Variants in SOCS2 observed in about 807,000 individuals in gnomAD.
SOCS2 encodes the protein CIS-2.
In SOCS2, 10 loss-of-function variants were observed where a neutral mutation model predicts 18.6. The observed-to-expected ratio is 0.54, with a 90% CI of 0.33 to 0.91. The LOEUF (loss-of-function observed/expected upper bound fraction) is 0.91. SOCS2 is among the 40% of genes least tolerant of loss of function. SOCS2 has a pLI of 0.02. For synonymous variants in SOCS2, 104 were observed against 104.0 expected, an observed-to-expected ratio of 1.00 and a Z score of 0.00; for missense variants, 231 against 247.2, an observed-to-expected ratio of 0.93 and a Z score of 0.44.
the SOCS2 span, among the ~76,000 whole-genome samples, chr12:93,605,186 A>G: frequency 3.3e-5 from 5 of 152,178 alleles, no homozygotes; most frequent in Non-Finnish European, 5.9e-5. Flanking sequence ...CAATGCCACC[A>G]CCACCACCCA....
the SOCS2 span, among the ~76,000 whole-genome samples, chr12:93,616,164 C>T: frequency 6.6e-6 from 1 of 152,206 alleles, no homozygotes; most frequent in Non-Finnish European, 1.5e-5. Flanking sequence ...AGCACCAGGA[C>T]TTATGTTCCC....
the SOCS2 span, among the ~76,000 whole-genome samples, chr12:93,594,672 A>C: frequency 6.6e-6 from 1 of 151,988 alleles, no homozygotes; most frequent in Non-Finnish European, 1.5e-5. Context: ...ATTGTAGAGA[A>C]CTCTGTTCTG....
chr12:93,573,105 G>A, intron 1 of SOCS2, 69 bp downstream of exon 1: 1 of 1,524,728 alleles, frequency 6.6e-7, no homozygotes, highest in Non-Finnish European at 8.8e-7. Flanking sequence ...TAGGAAGCGG[G>A]GTCGAGGTGG....
intron 1 of SOCS2, 41 bp downstream of exon 1, chr12:93,573,077 C>G (rs1483558498): frequency 6.5e-7 from 1 of 1,545,604 alleles, no homozygotes. Context: ...GGAGGGAGCG[C>G]CTCCCCAAGG....
At chr12:93,622,848 A>C in the SOCS2 span, among the ~76,000 whole-genome samples, 1 of 152,162 alleles carries the variant, frequency 6.6e-6, no homozygotes. Context: ...TGGATAATGG[A>C]ATCTGTATGT....
chr12:93,614,480 T>TTTCCTTCCTTCCTTCCTTCTTTCCTTCC, the SOCS2 span, among the ~76,000 whole-genome samples: 1 of 26,134 alleles, frequency 3.8e-5, no homozygotes, highest in Non-Finnish European at 6.6e-5. Flanking sequence ...CCTTCCTTCC[T>TTTCCTTCCTTCCTTCCTTCTTTCCTTCC]TTCCTTCCTT....
At chr12:93,624,651 C>G in the SOCS2 span, among the ~76,000 whole-genome samples, 1 of 152,120 alleles carries the variant, frequency 6.6e-6, no homozygotes, top group Non-Finnish European at 1.5e-5. Flanking sequence ...TAAGACAATA[C>G]TCATCACCCA....
At chr12:93,605,650 A>G in the SOCS2 span, among the ~76,000 whole-genome samples, 1 of 152,258 alleles carries the variant, frequency 6.6e-6, no homozygotes, top group Non-Finnish European at 1.5e-5. Context: ...AATGACTACA[A>G]GTGGATGCCT....
At chr12:93,612,511 A>G in the SOCS2 span, among the ~76,000 whole-genome samples, 2 of 152,134 alleles carry the variant, frequency 1.3e-5, no homozygotes, top group Non-Finnish European at 2.9e-5. Context: ...TCCCCTGCTC[A>G]ATCCTGCTAT....
At chr12:93,624,448 T>G in the SOCS2 span, among the ~76,000 whole-genome samples, 1,252 of 152,184 alleles carry the variant, frequency 8.2e-3, 8 homozygotes, top group South Asian at 0.026. Flanking sequence ...GGCAGGCACC[T>G]GTAGTCCCAG....
chr12:93,577,553 G>A (rs1245638325), downstream of SOCS2, among the ~76,000 whole-genome samples: 1 of 151,514 alleles, frequency 6.6e-6, no homozygotes, highest in Non-Finnish European at 1.5e-5. Context: ...AGAGGAATTG[G>A]GAAGAGCAAA....
the SOCS2 span, among the ~76,000 whole-genome samples, chr12:93,603,627 T>A: frequency 6.6e-6 from 1 of 151,826 alleles, no homozygotes; most frequent in Non-Finnish European, 1.5e-5. Context: ...TTATTTTTTT[T>A]AAAGCCATTA....
the SOCS2 span, among the ~76,000 whole-genome samples, chr12:93,620,478 C>T: frequency 1.3e-5 from 2 of 151,994 alleles, no homozygotes; most frequent in East Asian, 1.9e-4. Flanking sequence ...TGCAGTGGCA[C>T]GATCTCGACT....
the SOCS2 span, among the ~76,000 whole-genome samples, chr12:93,592,606 CAGAT>C: frequency 3.3e-5 from 5 of 152,204 alleles, no homozygotes; most frequent in African/African-American, 9.6e-5. Context: ...ATGCATATTT[CAGAT>C]GGAAATAAAT....
exon 2 of SOCS2, chr12:93,583,099 C>T (rs536958800): frequency 6.9e-6 from 1 of 145,050 alleles, no homozygotes; most frequent in South Asian, 2.2e-4. Flanking sequence ...ACCCTATGAT[C>T]GAAGAGTTTT....
At chr12:93,625,274 T>G in the SOCS2 span, among the ~76,000 whole-genome samples, 1 of 152,218 alleles carries the variant, frequency 6.6e-6, no homozygotes. Flanking sequence ...GTCATTAAAA[T>G]GCTAAAAAAA....
chr12:93,618,613 T>A, the SOCS2 span, among the ~76,000 whole-genome samples: 2 of 152,188 alleles, frequency 1.3e-5, no homozygotes, highest in Non-Finnish European at 2.9e-5. Flanking sequence ...TGTATGCCTC[T>A]ACTGCCTAAA....
the SOCS2 span, among the ~76,000 whole-genome samples, chr12:93,607,177 C>T: frequency 6.6e-6 from 1 of 152,154 alleles, no homozygotes; most frequent in Non-Finnish European, 1.5e-5. Flanking sequence ...ACATCTTTTT[C>T]TGAGCCCTAT....
At chr12:93,578,479 G>A (rs569677544), downstream of SOCS2, among the ~76,000 whole-genome samples, 20 of 152,252 alleles carry the variant, frequency 1.3e-4, 1 homozygote, top group South Asian at 8.3e-4. Flanking sequence ...TGAAGTCTCC[G>A]TCTTTAAGTC....
Sources: gnomAD v4.1 joint callset for allele counts (sites outside exome capture counted in the v4.1 genomes callset) on GRCh38, gnomAD v4.1.1 for gene constraint, MANE v1.5 for transcripts, NCBI Gene and HGNC (gene_info 2026-07-23, HGNC 2026-07-21) for gene names.